The following FHIT variants were observed in gnomAD, a reference collection of about 807,000 sequenced individuals.
The protein encoded by FHIT is bis(5'-adenosyl)-triphosphatase.
A neutral mutation model predicts 17.9 loss-of-function variants in FHIT; 19 were observed. The ratio of observed to expected loss-of-function variants is 1.06; its 90% CI spans 0.74 to 1.56. The LOEUF is 1.56. Among genes scored for constraint, FHIT ranks in the 40% most tolerant of loss-of-function variants. FHIT has a pLI of 0.00. For missense variants in FHIT, 248 were observed against 189.2 expected, an observed-to-expected ratio of 1.31 and a Z score of -1.82; for synonymous variants, 81 against 69.7, an observed-to-expected ratio of 1.16 and a Z score of -0.81.
chr3:60,907,989 G>C (rs894079484), intron 3 of FHIT, among the ~76,000 whole-genome samples: 3 of 152,250 alleles, frequency 2.0e-5, no homozygotes, highest in African/African-American at 7.2e-5. Context: ...TAAATTTAGA[G>C]TCAAAGTTTA....
chr3:60,444,499 G>A (rs494368), intron 5 of FHIT, among the ~76,000 whole-genome samples: 55,339 of 152,010 alleles, frequency 0.36, 11,432 homozygotes, highest in African/African-American at 0.55. Flanking sequence ...ATATACCATG[G>A]AATACTATGC....
At chr3:59,990,396 A>G (rs1225923188) in intron 7 of FHIT, among the ~76,000 whole-genome samples, 3 of 152,068 alleles carry the variant, frequency 2.0e-5, no homozygotes, top group Non-Finnish European at 2.9e-5. Context: ...TAAATCAGCT[A>G]TTAAAGGAAT....
intron 8 of FHIT, among the ~76,000 whole-genome samples, chr3:59,865,567 G>A (rs1484338325): frequency 6.6e-6 from 1 of 152,216 alleles, no homozygotes; most frequent in African/African-American, 2.4e-5. Context: ...GTGCCAAATG[G>A]GATTCTAGGT....
chr3:60,815,505 A>G (rs1701710273), intron 4 of FHIT, among the ~76,000 whole-genome samples: 1 of 151,886 alleles, frequency 6.6e-6, no homozygotes, highest in African/African-American at 2.4e-5. Flanking sequence ...ACCTTTCTCC[A>G]TTGCTTTTGT....
intron 3 of FHIT, among the ~76,000 whole-genome samples, chr3:60,874,206 T>C (rs546182665): frequency 6.6e-6 from 1 of 152,258 alleles, no homozygotes; most frequent in African/African-American, 2.4e-5. Context: ...TAAAATAATT[T>C]AATAAAATAA....
Position 59,982,449 on chromosome 3 carries a change from G to A in FHIT, c.279+28922C>T, listed in dbSNP as rs552653284. Among the ~76,000 whole-genome samples the A allele has an allele frequency of 3.3e-5, 5 of 152,242 alleles. No homozygotes were observed. In the East Asian group the frequency reaches 7.7e-4, roughly 24 times the overall value. Reference sequence around the variant, plus strand: ...TGCCAGTCCCACAGGGTTTTCAAAGGCTGCAAAGCTAGCACAAACCAATTC... The same window carrying A: ...TGCCAGTCCCACAGGGTTTTCAAAGACTGCAAAGCTAGCACAAACCAATTC... On this transcript the variant is annotated intron_variant, in intron 7 of 9. Transcript: ENST00000492590.
At chr3:60,871,603 G>A (rs551358828) in intron 3 of FHIT, among the ~76,000 whole-genome samples, 19 of 152,176 alleles carry the variant, frequency 1.2e-4, no homozygotes, top group African/African-American at 2.6e-4. Context: ...CATATTTAAC[G>A]TGTAAGTCAG....
intron 4 of FHIT, chr3:60,730,453 CT>C: frequency 8.8e-6 from 2 of 227,052 alleles, no homozygotes; most frequent in Non-Finnish European, 2.0e-5. Flanking sequence ...TTTATAAATC[CT>C]TTTATTCTTA....
At chr3:60,985,922 G>C (rs1287627257) in intron 3 of FHIT, among the ~76,000 whole-genome samples, 5 of 152,168 alleles carry the variant, frequency 3.3e-5, no homozygotes, top group South Asian at 4.1e-4. Flanking sequence ...AGCTTCTAGA[G>C]GTTGCCTGCA....
intron 5 of FHIT, among the ~76,000 whole-genome samples, chr3:60,089,279 A>G (rs1703629102): frequency 6.6e-6 from 1 of 152,158 alleles, no homozygotes; most frequent in Non-Finnish European, 1.5e-5. Context: ...AGCACTTACC[A>G]CAGCTTACTC....
At chr3:60,467,259 A>T (rs2032850194) in intron 5 of FHIT, among the ~76,000 whole-genome samples, 1 of 150,892 alleles carries the variant, frequency 6.6e-6, no homozygotes, top group South Asian at 2.1e-4. Context: ...TTTTTTCTGA[A>T]GATTTGTCAA....
At chr3:59,780,757 C>T (rs937099783) in intron 8 of FHIT, among the ~76,000 whole-genome samples, 1 of 152,128 alleles carries the variant, frequency 6.6e-6, no homozygotes, top group African/African-American at 2.4e-5. Context: ...ACCAACACCC[C>T]GACCATGTTA....
At chr3:60,163,712 T>C (rs1001169512) in intron 5 of FHIT, among the ~76,000 whole-genome samples, 2 of 152,172 alleles carry the variant, frequency 1.3e-5, no homozygotes, top group Non-Finnish European at 2.9e-5. Flanking sequence ...TTCTTTGTTG[T>C]GGGGTCTGCA....
chr3:60,200,254 G>T (rs1257572340), intron 5 of FHIT, among the ~76,000 whole-genome samples: 2 of 152,044 alleles, frequency 1.3e-5, no homozygotes, highest in Admixed American at 6.6e-5. Flanking sequence ...AACAGGACTG[G>T]GATAATCAAT....
intron 2 of FHIT, among the ~76,000 whole-genome samples, chr3:61,188,063 G>A (rs2038579445): frequency 6.6e-6 from 1 of 152,084 alleles, no homozygotes; most frequent in Admixed American, 6.6e-5. Context: ...CTAGCAGAAG[G>A]CAAGCAATAA....
intron 2 of FHIT, among the ~76,000 whole-genome samples, chr3:61,143,772 A>C (rs1344978835): frequency 2.0e-5 from 3 of 152,162 alleles, no homozygotes; most frequent in Non-Finnish European, 4.4e-5. Context: ...AGACTGAGAC[A>C]GGAGAATTGC....
intron 4 of FHIT, among the ~76,000 whole-genome samples, chr3:60,691,879 A>G (rs1553699625): frequency 6.6e-6 from 1 of 152,110 alleles, no homozygotes; most frequent in East Asian, 1.9e-4. Context: ...TTTCTGTGAC[A>G]TATCATCTTG....
intron 5 of FHIT, among the ~76,000 whole-genome samples, chr3:60,156,480 G>A (rs548266459): frequency 3.4e-4 from 52 of 152,202 alleles, no homozygotes; most frequent in Admixed American, 1.8e-3. Flanking sequence ...TGGGTGCAGC[G>A]GTTCACACCT....
At chr3:60,026,255 T>C (rs1700737179) in intron 5 of FHIT, among the ~76,000 whole-genome samples, 2 of 152,046 alleles carry the variant, frequency 1.3e-5, no homozygotes, top group African/African-American at 4.8e-5. Context: ...GTTAAAAGTG[T>C]TTTTTCAAAA....
Sources: allele counts gnomAD v4.1 joint callset (sites outside exome capture counted in the v4.1 genomes callset), GRCh38; gene constraint gnomAD v4.1.1; transcripts MANE v1.5; gene names NCBI Gene and HGNC (gene_info 2026-07-23, HGNC 2026-07-21).